The following MINK1 variants were observed in gnomAD, a reference collection of about 807,000 sequenced individuals.
The protein encoded by MINK1 is misshapen-like kinase 1.
A neutral mutation model predicts 178.4 loss-of-function variants in MINK1; 46 were observed. The observed-to-expected ratio is 0.26, with a 90% CI of 0.20 to 0.33. MINK1 has a LOEUF of 0.33. Among genes scored for constraint, MINK1 ranks in the 10% least tolerant of loss-of-function variants. The probability of loss-of-function intolerance (pLI) is 1.00; values close to 1 mark genes in which losing one functional copy is unlikely to be tolerated. For missense variants in MINK1, 1,366 were observed against 1,814.9 expected (o/e 0.75, Z 4.49); for synonymous variants, 797 against 709.7 (o/e 1.12, Z -1.96).
At chr17:4,891,737 C>G (rs757374374) in intron 16 of MINK1, 21 bp downstream of exon 16, 1 of 1,586,928 alleles carries the variant, frequency 6.3e-7, no homozygotes, top group Non-Finnish European at 8.6e-7. Flanking sequence ...TTCTGCAGGC[C>G]CAGGGAAAAG....
At chr17:4,889,028 T>A (rs995122671) in intron 12 of MINK1, among the ~76,000 whole-genome samples, 1 of 152,160 alleles carries the variant, frequency 6.6e-6, no homozygotes, top group African/African-American at 2.4e-5. Flanking sequence ...AGGTGTTACC[T>A]GGAGAAGGCC....
In MINK1 at chr17:4,896,450, C is replaced by T. The variant is rs1969487906; in HGVS notation, c.3637C>T (p.His1213Tyr). 1.9e-6 allele frequency: 3 copies of T among 1,613,940 alleles called. No individual in the cohort carries two copies. The highest frequency in any genetic ancestry group is 1.6e-4 in the Middle Eastern group (1 of 6,062). Residue 1213 changes from histidine to tyrosine, a missense_variant, in exon 30 of 32, where the codon CAT becomes TAT. His to Tyr is a moderately conservative substitution (Grantham distance 83, BLOSUM62 2). Around this residue, in one of 14 missense-constraint regions of MINK1, gnomAD observed 201 missense variants for 240.7 expected, o/e 0.84. Coordinates refer to ENST00000355280, the MANE Select transcript of MINK1 (RefSeq NM_153827.5). This position sits in a 1 kb window ranked among gnomAD's most constrained non-coding sequence, Gnocchi z 4.6. ...PVHIQSQITP[H>Y]AIIFLPNTDG... ...CCAGATCCAGAGCCAGATCACGCCC[C>T]ATGCCATCATCTTCCTCCCCAACAC...
In MINK1 at chr17:4,890,944, A is replaced by T; in HGVS notation, c.1567-7A>T. The T allele has an allele frequency of 6.4e-7, 1 of 1,553,664 alleles. No individual in the cohort carries two copies. The highest frequency in any genetic ancestry group is 8.7e-7 in the Non-Finnish European group (1 of 1,148,134). On this transcript the variant is annotated splice_region_variant and splice_polypyrimidine_tract_variant and intron_variant, in intron 14 of 31. Coordinates refer to ENST00000355280, the MANE Select transcript of MINK1 (RefSeq NM_153827.5). ...GCTGGCCTGCTTGACATCCCTTCAC[A>T]TCACAGGTAGAAGAGAGAACAAGGA... is the stretch of plus-strand genomic sequence containing the variant.
At chr17:4,860,654 G>A (rs1302387234) in intron 1 of MINK1, 1 of 509,534 alleles carries the variant, frequency 2.0e-6, no homozygotes, top group Non-Finnish European at 3.9e-6. Context: ...CCTCCAGGTA[G>A]GAGCTGTGGG....
At chr17:4,847,902 C>T (rs1010465549) in intron 1 of MINK1, among the ~76,000 whole-genome samples, 10 of 151,990 alleles carry the variant, frequency 6.6e-5, no homozygotes, top group African/African-American at 2.4e-4. Flanking sequence ...AAGGTCTGGG[C>T]CCAGTACAGT....
intron 21 of MINK1, 70 bp from the exon 22 acceptor site, chr17:4,893,918 C>A: frequency 7.8e-7 from 1 of 1,288,058 alleles, no homozygotes; most frequent in Non-Finnish European, 1.1e-6. Context: ...CTCTGGCTGC[C>A]ATCTGCTGCC....
rs148748824 is a variant in MINK1 at position 4,894,489 on chromosome 17, G to A, written c.2809-36G>A. The A allele has an allele frequency of 1.4e-4, 219 of 1,551,198 alleles. 1 individual carries two copies. In the African/African-American group the frequency reaches 2.7e-3, roughly 19 times the overall value. On this transcript the variant is annotated intron_variant, in intron 23 of 31. Transcript: ENST00000355280. This position sits in a 1 kb window ranked among gnomAD's most constrained non-coding sequence, Gnocchi z 4.1. ...CAGGGGCAGGGCCGCAGCTGGACTT[G>A]CACTTGTTTGCCTGACTGCTGTCCC... is the stretch of plus-strand genomic sequence containing the variant.
chr17:4,893,436 C>A lies in MINK1; in HGVS notation c.2403C>A (p.Asp801Glu). 1 of 1,595,996 alleles carries A rather than the reference C, an allele frequency of 6.3e-7. No individual in the cohort carries two copies. Among genetic ancestry groups the A allele is most frequent in the East Asian group, 2.3e-5 (1 of 44,288 alleles). ...CCTCACGTGGCTCCTCCCTGCAGGA[C>A]TTTGTGTTGCTGAAAGAGCGGACTC... Reference protein sequence around the residue: ...DHRSRPGRPADFVLLKERTLD... With the variant: ...DHRSRPGRPAEFVLLKERTLD... The change falls in exon 21 of 32, where the codon GAC becomes GAA. Residue 801 changes from aspartate to glutamate, a missense_variant and splice_region_variant. Physicochemically the swap from Asp to Glu is conservative, Grantham distance 45. Coordinates refer to ENST00000355280, the MANE Select transcript of MINK1 (RefSeq NM_153827.5).
At chr17:4,839,286 C>A (rs1909821447) in intron 1 of MINK1, among the ~76,000 whole-genome samples, 1 of 152,178 alleles carries the variant, frequency 6.6e-6, no homozygotes, top group Admixed American at 6.6e-5. Context: ...CAATATCCTG[C>A]AACCTTCAAG....
chr17:4,889,599 G>A, intron 12 of MINK1, 48 bp from the exon 13 acceptor site: 5 of 1,483,226 alleles, frequency 3.4e-6, no homozygotes, highest in Non-Finnish European at 3.7e-6. Flanking sequence ...GGGCAGTGCT[G>A]ACGCGATGTC....
rs867928526 is a variant in MINK1 at position 4,890,605 on chromosome 17, T to TGCA, written c.1446_1448dup (p.Gln487dup). 2.6e-6 allele frequency: 4 copies of TGCA among 1,563,852 alleles called. No individual in the cohort carries two copies. The highest frequency in any genetic ancestry group is 2.7e-5 in the African/African-American group (2 of 73,434). On this transcript the variant is annotated inframe_insertion, in exon 14 of 32. Transcript: ENST00000355280. ...CAGGAGCATGCCTACCTCAAGTCCC[T>TGCA]GCAGCAGCAGCAACAGCAGCAGCAG...
At chr17:4,838,418 C>A (rs144098103) in intron 1 of MINK1, among the ~76,000 whole-genome samples, 109 of 152,260 alleles carry the variant, frequency 7.2e-4, no homozygotes, top group African/African-American at 2.5e-3. Context: ...CTGGCCCACC[C>A]CCTCACTCTT....
At chr17:4,839,917 T>C (rs2150739868) in intron 1 of MINK1, among the ~76,000 whole-genome samples, 2 of 149,874 alleles carry the variant, frequency 1.3e-5, no homozygotes, top group Middle Eastern at 6.8e-3. Flanking sequence ...GGGAGAGACA[T>C]TAATCAAGTA....
Position 4,886,711 on chromosome 17 carries a change from C to A in MINK1, c.949+85C>A. On this transcript the variant is annotated intron_variant, in intron 10 of 31. Transcript: ENST00000355280. This position sits in a 1 kb window ranked among gnomAD's most constrained non-coding sequence, Gnocchi z 6.1. Reference sequence around the variant, plus strand: ...GCCAGCCCTGCTCGCTCCTGGCACCCCTTCCTGCTCCCCTCCTTGGCCCCA... The same window carrying A: ...GCCAGCCCTGCTCGCTCCTGGCACCACTTCCTGCTCCCCTCCTTGGCCCCA... The A allele has an allele frequency of 2.2e-6, 3 of 1,359,258 alleles. No homozygotes were observed. The highest frequency in any genetic ancestry group is 2.0e-6 in the Non-Finnish European group (2 of 1,024,682). The allele number at this position is 1,359,258 out of a possible 1,614,324, so 84.2% of individuals were successfully genotyped here.
chr17:4,890,363 G>A (rs1356853403), intron 13 of MINK1, 154 bp from the exon 14 acceptor site: 8 of 1,434,408 alleles, frequency 5.6e-6, no homozygotes, highest in African/African-American at 1.4e-5. Flanking sequence ...TTCTTTGCTG[G>A]AACGGGATGG....
intron 1 of MINK1, chr17:4,871,079 CT>C: frequency 5.4e-6 from 2 of 369,378 alleles, no homozygotes; most frequent in Non-Finnish European, 1.1e-5. Flanking sequence ...AATATGTGGC[CT>C]TTTGTGACTA....
chr17:4,880,621 C>T (rs1449609471), intron 2 of MINK1, among the ~76,000 whole-genome samples: 1 of 146,680 alleles, frequency 6.8e-6, no homozygotes, highest in Non-Finnish European at 1.5e-5. Context: ...ACAGTCGGGC[C>T]GGGCGCGGTG....
intron 16 of MINK1, among the ~76,000 whole-genome samples, 176 bp downstream of exon 16, chr17:4,891,892 ATCG>A (rs1443521734): frequency 3.3e-5 from 5 of 152,132 alleles, no homozygotes; most frequent in African/African-American, 1.2e-4. Context: ...GAGGGGTGGC[ATCG>A]ATCCCTGTGG....
At chr17:4,844,537 C>T (rs760101063) in intron 1 of MINK1, 12 of 504,210 alleles carry the variant, frequency 2.4e-5, no homozygotes, top group Non-Finnish European at 4.4e-5. Context: ...TATTCGTATA[C>T]CTGGGTCTTT....
Sources: allele counts gnomAD v4.1 joint callset (sites outside exome capture counted in the v4.1 genomes callset), GRCh38; gene constraint gnomAD v4.1.1; regional missense constraint gnomAD v4.1.1; non-coding constraint Gnocchi (gnomAD v3.1); transcripts MANE v1.5; gene names NCBI Gene and HGNC (gene_info 2026-07-23, HGNC 2026-07-21).